The following ARHGEF28 variants were observed in gnomAD, a reference collection of about 807,000 sequenced individuals.
ARHGEF28 encodes the protein Rho guanine nucleotide exchange factor 28.
A neutral mutation model predicts 206.6 loss-of-function variants in ARHGEF28; 152 were observed. That is an observed-to-expected ratio of 0.74 (90% CI 0.64 to 0.84). The LOEUF (loss-of-function observed/expected upper bound fraction) is 0.84, where lower values mean the gene tolerates loss of function less well. Ranked by LOEUF, ARHGEF28 falls within the 40% of genes least tolerant of loss-of-function variation. The pLI, the probability that ARHGEF28 is intolerant of heterozygous loss-of-function variation, is 0.00. For synonymous variants in ARHGEF28, 763 were observed against 776.4 expected, an observed-to-expected ratio of 0.98 and a Z score of 0.29; for missense variants, 2,028 against 2,073.2, an observed-to-expected ratio of 0.98 and a Z score of 0.42.
intron 9 of ARHGEF28, chr5:73,813,679 T>G (rs1019701884): frequency 1.4e-5 from 22 of 1,535,148 alleles, no homozygotes; most frequent in African/African-American, 4.1e-5. Context: ...ACAAGGTAGA[T>G]TGCAGTATCT....
intron 27 of ARHGEF28, among the ~76,000 whole-genome samples, 184 bp downstream of exon 27, chr5:73,892,414 C>T (rs907934452): frequency 6.6e-6 from 1 of 152,142 alleles, no homozygotes; most frequent in Non-Finnish European, 1.5e-5. Context: ...GCATGTAATG[C>T]CTGCACCTCC....
At chr5:73,927,024 A>T (rs957846560) in intron 35 of ARHGEF28, among the ~76,000 whole-genome samples, 10 of 152,098 alleles carry the variant, frequency 6.6e-5, no homozygotes, top group African/African-American at 2.4e-4. Context: ...AGGCTTTAGT[A>T]CAAACTTGGG....
intron 33 of ARHGEF28, chr5:73,908,751 A>G (rs1423374472): frequency 6.6e-6 from 1 of 152,152 alleles, no homozygotes; most frequent in Non-Finnish European, 1.5e-5. Flanking sequence ...ATTTCAGCTT[A>G]GTTTTTTGTG....
rs377736688 is a variant in ARHGEF28, at chr5:73,933,059, C to A, written c.4949-7785C>A. Reference sequence around the variant, plus strand: ...TCTCCTGACCTCGTGATCCGCCCGTCTCGGCCTCCCAAAGTGCTGGGATTA... The same window carrying A: ...TCTCCTGACCTCGTGATCCGCCCGTATCGGCCTCCCAAAGTGCTGGGATTA... On this transcript the variant is annotated intron_variant, in intron 35 of 35. Transcript: ENST00000513042. Among the ~76,000 whole-genome samples, 13 of 152,214 alleles carry A rather than the reference C, an allele frequency of 8.5e-5. No homozygotes were observed. In the East Asian group the frequency reaches 2.3e-3, roughly 27 times the overall value.
chr5:73,873,691 T>A (rs1760257855), intron 22 of ARHGEF28, among the ~76,000 whole-genome samples: 1 of 152,220 alleles, frequency 6.6e-6, no homozygotes. Context: ...GGAGTTCAGC[T>A]GTTGGTCTGT....
chr5:73,914,131 T>C (rs1207406561), intron 35 of ARHGEF28, among the ~76,000 whole-genome samples: 1 of 152,184 alleles, frequency 6.6e-6, no homozygotes, highest in Non-Finnish European at 1.5e-5. Context: ...TGAATTGCTC[T>C]ACCCCCACCC....
chr5:73,883,589 T>C (rs560567195), intron 23 of ARHGEF28, among the ~76,000 whole-genome samples, 178 bp from the exon 24 acceptor site: 35 of 152,188 alleles, frequency 2.3e-4, no homozygotes, highest in Non-Finnish European at 4.1e-4. Context: ...GTTGGGGTAC[T>C]GAAATTTATG....
At chr5:73,642,012 A>G (rs1054749649) in intron 1 of ARHGEF28, among the ~76,000 whole-genome samples, 2 of 152,192 alleles carry the variant, frequency 1.3e-5, no homozygotes, top group South Asian at 4.1e-4. Context: ...CGGGGTTTGT[A>G]GCCTGTTTAT....
At chr5:73,795,110 G>C (rs893322419) in intron 8 of ARHGEF28, among the ~76,000 whole-genome samples, 1 of 152,188 alleles carries the variant, frequency 6.6e-6, no homozygotes, top group Non-Finnish European at 1.5e-5. Flanking sequence ...AATAACCTGT[G>C]TACAGCTTTC....
chr5:73,937,210 A>C (rs1190864181), intron 35 of ARHGEF28, among the ~76,000 whole-genome samples: 2 of 152,236 alleles, frequency 1.3e-5, no homozygotes, highest in Non-Finnish European at 2.9e-5. Context: ...GAATGGTGCC[A>C]GCCAAAATGT....
intron 22 of ARHGEF28, among the ~76,000 whole-genome samples, chr5:73,879,501 C>G (rs1456017009): frequency 1.3e-5 from 2 of 152,196 alleles, no homozygotes; most frequent in African/African-American, 4.8e-5. Context: ...GAGAGGCGCT[C>G]TGCTTTTTAG....
chr5:73,852,545 G>C, intron 13 of ARHGEF28, 105 bp from the exon 14 acceptor site: 1 of 917,636 alleles, frequency 1.1e-6, no homozygotes, highest in Non-Finnish European at 1.8e-6. Context: ...TTTCTAGCTG[G>C]TAGTGTGTAT....
intron 2 of ARHGEF28, among the ~76,000 whole-genome samples, chr5:73,717,565 A>C (rs1231465996): frequency 6.6e-6 from 1 of 152,178 alleles, no homozygotes; most frequent in Non-Finnish European, 1.5e-5. Context: ...CAATAATAAT[A>C]ATGTAGAAAG....
At chr5:73,824,322 G>A (rs890585081) in intron 9 of ARHGEF28, among the ~76,000 whole-genome samples, 13 of 152,156 alleles carry the variant, frequency 8.5e-5, no homozygotes, top group African/African-American at 3.1e-4. Flanking sequence ...CTACCAGGAA[G>A]AGCAAAATAA....
intron 1 of ARHGEF28, among the ~76,000 whole-genome samples, chr5:73,651,539 G>C (rs1339062780): frequency 6.6e-6 from 1 of 152,164 alleles, no homozygotes; most frequent in Non-Finnish European, 1.5e-5. Flanking sequence ...TTTGTGAAGT[G>C]CTAACATATA....
intron 9 of ARHGEF28, among the ~76,000 whole-genome samples, chr5:73,812,052 T>C (rs1309136175): frequency 6.6e-6 from 1 of 152,004 alleles, no homozygotes; most frequent in Non-Finnish European, 1.5e-5. Flanking sequence ...GCAATGTTTG[T>C]AACTATACTC....
chr5:73,855,904 G>A (rs1759000683), intron 14 of ARHGEF28, among the ~76,000 whole-genome samples: 1 of 150,314 alleles, frequency 6.7e-6, no homozygotes, highest in Non-Finnish European at 1.5e-5. Flanking sequence ...TCTTTTATTT[G>A]CAATAGTTTA....
chr5:73,916,536 C>T (rs550427157), intron 35 of ARHGEF28, among the ~76,000 whole-genome samples: 3 of 152,306 alleles, frequency 2.0e-5, no homozygotes, highest in Admixed American at 2.0e-4. Context: ...CCACCTTCTT[C>T]CTGCGTCTTC....
chr5:73,789,807 C>T (rs11960036), intron 7 of ARHGEF28, among the ~76,000 whole-genome samples: 5,416 of 152,170 alleles, frequency 0.036, 190 homozygotes, highest in African/African-American at 0.083. Flanking sequence ...CACACACACT[C>T]AGTTTGTGTC....
Sources: gnomAD v4.1 joint callset for allele counts (sites outside exome capture counted in the v4.1 genomes callset) on GRCh38, gnomAD v4.1.1 for gene constraint, MANE v1.5 for transcripts, NCBI Gene and HGNC (gene_info 2026-07-23, HGNC 2026-07-21) for gene names.